DNAI4: variants seen among roughly 807,000 people sequenced by gnomAD.
DNAI4 encodes dynein axonemal intermediate chain 4.
A neutral mutation model predicts 105.8 loss-of-function variants in DNAI4; 85 were observed. The ratio of observed to expected loss-of-function variants is 0.80; its 90% CI spans 0.67 to 0.96. The LOEUF (loss-of-function observed/expected upper bound fraction) is 0.96. Ranked by LOEUF, DNAI4 falls within the 40% of genes least tolerant of loss-of-function variation. The pLI is 0.00. For synonymous variants in DNAI4, 352 were observed against 331.5 expected (o/e 1.06, Z -0.67); for missense variants, 1,014 against 1,005.6 (o/e 1.01, Z -0.11).
At position 66,890,842 on chromosome 1, in the gene DNAI4, G is replaced by T; in HGVS notation, c.643+312C>A. The T allele has an allele frequency of 2.7e-6, 1 of 369,904 alleles. No homozygotes were observed. The highest frequency in any genetic ancestry group is 4.9e-6 in the Non-Finnish European group (1 of 203,480). 22.9% of individuals were successfully genotyped at this position (369,904 alleles called of 1,614,324 possible). A position where few individuals can be genotyped will look rare whatever the true frequency, so the allele number is the denominator to read the frequency against. Reference sequence around the variant, plus strand: ...GAGGAAAAGAGGAAGAGGAAGAAAAGGAAGAGGAAGAAGAAGAGGAAGAGG... The same window carrying T: ...GAGGAAAAGAGGAAGAGGAAGAAAATGAAGAGGAAGAAGAAGAGGAAGAGG... On this transcript the variant is annotated intron_variant, in intron 4 of 16. Transcript: ENST00000371026. This position sits in a 1 kb window ranked among gnomAD's most constrained non-coding sequence, Gnocchi z 4.1.
intron 6 of DNAI4, among the ~76,000 whole-genome samples, chr1:66,865,605 C>T (rs1170373325): frequency 2.0e-5 from 3 of 152,104 alleles, no homozygotes; most frequent in Non-Finnish European, 4.4e-5. Flanking sequence ...AATGGACTTG[C>T]TAATTCTTCC....
In DNAI4 at chr1:66,891,183, T is replaced by C; in HGVS notation, c.614A>G (p.Tyr205Cys). 6.2e-7 allele frequency: 1 copy of C among 1,613,738 alleles called. No individual in the cohort carries two copies. The highest frequency in any genetic ancestry group is 8.5e-7 in the Non-Finnish European group (1 of 1,179,728). Residue 205 changes from tyrosine (Y) to cysteine (C), a missense_variant, in exon 4 of 17, where the codon TAT becomes TGT. Tyr to Cys is a radical substitution (Grantham distance 194). Transcript: ENST00000371026. The stretch of plus-strand genomic sequence containing the variant: ...GAAACTAGTCAATCTTTCCCGTTTA[T>C]AGGATGGTTCTTCCAGGTCTTCTGC... ...SIAEDLEEPS[Y>C]KRERLTSFTD...
Position 66,826,899 on chromosome 1 carries a change from C to T in DNAI4, c.2260G>A (p.Ala754Thr). 6.2e-7 allele frequency: 1 copy of T among 1,614,112 alleles called. No homozygotes were observed. Among genetic ancestry groups the T allele is most frequent in the African/African-American group, 1.3e-5 (1 of 75,030 alleles). Residue 754 changes from alanine to threonine, a missense_variant, in exon 15 of 17, where the codon GCC becomes ACC. Coordinates refer to ENST00000371026, the MANE Select transcript of DNAI4 (RefSeq NM_024763.5). ...YPATSVVYDVAWSPKSSYIFA... is the reference protein window; with the variant it reads ...YPATSVVYDVTWSPKSSYIFA... ...ATATAGGATGATTTTGGAGACCAGGCAACGTCGTAAACAACAGAAGTAGCT... is the reference window on the plus strand; with the variant it reads ...ATATAGGATGATTTTGGAGACCAGGTAACGTCGTAAACAACAGAAGTAGCT...
intron 1 of DNAI4, among the ~76,000 whole-genome samples, chr1:66,911,677 G>A (rs1649667290): frequency 6.6e-6 from 1 of 152,190 alleles, no homozygotes; most frequent in African/African-American, 2.4e-5. Context: ...TACAGTGGCT[G>A]TTTAATACAT....
At chr1:66,884,756 C>T (rs1647157313) in intron 4 of DNAI4, among the ~76,000 whole-genome samples, 1 of 152,076 alleles carries the variant, frequency 6.6e-6, no homozygotes, top group Non-Finnish European at 1.5e-5. Context: ...AAATGTTCCC[C>T]CTTCAGACCC....
intron 6 of DNAI4, among the ~76,000 whole-genome samples, chr1:66,867,570 A>G (rs72671677): frequency 0.13 from 20,311 of 151,606 alleles, 1,433 homozygotes; most frequent in Middle Eastern, 0.21. Context: ...TTTAAAGAAC[A>G]TTCTGTTCTT....
intron 8 of DNAI4, among the ~76,000 whole-genome samples, chr1:66,842,433 C>T (rs138392190): frequency 6.6e-6 from 1 of 152,194 alleles, no homozygotes; most frequent in Non-Finnish European, 1.5e-5. Flanking sequence ...CTCTGTTGTC[C>T]TGGTTGGAGT....
chr1:66,902,461 T>A (rs1400834168), intron 2 of DNAI4, among the ~76,000 whole-genome samples: 1 of 152,196 alleles, frequency 6.6e-6, no homozygotes, highest in Admixed American at 6.5e-5. Flanking sequence ...GTTATTAGCA[T>A]CTTATCAAAT....
intron 6 of DNAI4, among the ~76,000 whole-genome samples, chr1:66,869,835 G>T (rs1646804215): frequency 6.6e-6 from 1 of 152,154 alleles, no homozygotes; most frequent in Admixed American, 6.6e-5. Context: ...CTGCCAGCAG[G>T]CTACTAGAAG....
chr1:66,847,927 A>G (rs931532649), intron 7 of DNAI4: 7 of 442,550 alleles, frequency 1.6e-5, no homozygotes, highest in Admixed American at 8.3e-5. Context: ...TCCAGAGGTA[A>G]TTTTTGTCTT....
chr1:66,861,790 T>C (rs1187120113), intron 7 of DNAI4, among the ~76,000 whole-genome samples: 1 of 152,220 alleles, frequency 6.6e-6, no homozygotes, highest in Non-Finnish European at 1.5e-5. Context: ...TGTTAATGTA[T>C]AAATCCATTT....
Position 66,874,760 on chromosome 1 carries a change from A to G in DNAI4, c.800+21T>C, listed in dbSNP as rs748971559. 1.9e-6 allele frequency: 3 copies of G among 1,584,560 alleles called. No individual in the cohort carries two copies. In the South Asian group the frequency reaches 3.5e-5, roughly 19 times the overall value. On this transcript the variant is annotated intron_variant, in intron 5 of 16. Coordinates refer to ENST00000371026, the MANE Select transcript of DNAI4 (RefSeq NM_024763.5). ...AGCATTTGAATTACAGAAACAATGT[A>G]GACAACTGAACCATACATACGTTAC...
intron 15 of DNAI4, among the ~76,000 whole-genome samples, chr1:66,825,031 T>A (rs569085632): frequency 5.3e-4 from 81 of 152,296 alleles, no homozygotes; most frequent in African/African-American, 1.9e-3. Context: ...TTAAAATAAA[T>A]GTCTCTCTCA....
intron 1 of DNAI4, among the ~76,000 whole-genome samples, chr1:66,908,185 C>T (rs1303606998): frequency 6.6e-6 from 1 of 152,214 alleles, no homozygotes; most frequent in African/African-American, 2.4e-5. Context: ...AAATTTGATA[C>T]TGTAACATCT....
intron 4 of DNAI4, among the ~76,000 whole-genome samples, chr1:66,877,641 T>C (rs922265244): frequency 6.6e-6 from 1 of 152,208 alleles, no homozygotes; most frequent in Non-Finnish European, 1.5e-5. Flanking sequence ...CCATATTTTA[T>C]TCTAATTTCC....
intron 1 of DNAI4, among the ~76,000 whole-genome samples, chr1:66,910,068 T>C (rs1158988649): frequency 6.6e-6 from 1 of 152,028 alleles, no homozygotes; most frequent in Non-Finnish European, 1.5e-5. Flanking sequence ...CATGTAAGGG[T>C]TGGGCACAGT....
At chr1:66,885,518 T>C (rs997095099) in intron 4 of DNAI4, among the ~76,000 whole-genome samples, 1 of 152,190 alleles carries the variant, frequency 6.6e-6, no homozygotes, top group African/African-American at 2.4e-5. Flanking sequence ...ACTCTTTTCT[T>C]GTTTATTTGG....
rs1646306868 is a variant in DNAI4, at chr1:66,847,650, T to C, written c.1125A>G (p.Ile375Met). 6.2e-7 allele frequency: 1 copy of C among 1,612,216 alleles called. No individual in the cohort carries two copies. Among genetic ancestry groups the C allele is most frequent in the Non-Finnish European group, 8.5e-7 (1 of 1,179,370 alleles). ...KNSETSSLMDIENVILAKIHE... is the reference protein window; with the variant it reads ...KNSETSSLMDMENVILAKIHE... The stretch of plus-strand genomic sequence containing the variant: ...GGATTTTTGCCAGAATTACATTTTC[T>C]ATGTCCATTAGAGAACTAGTTTCAC... The change falls in exon 8 of 17, where the codon ATA becomes ATG. Residue 375 changes from isoleucine to methionine, a missense_variant. Transcript: ENST00000371026.
At chr1:66,887,683 A>G (rs1647263935) in intron 4 of DNAI4, among the ~76,000 whole-genome samples, 1 of 152,168 alleles carries the variant, frequency 6.6e-6, no homozygotes, top group Non-Finnish European at 1.5e-5. Flanking sequence ...ATTAAATTTT[A>G]CTACTACCGT....
Sources: allele counts gnomAD v4.1 joint callset (sites outside exome capture counted in the v4.1 genomes callset), GRCh38; gene constraint gnomAD v4.1.1; non-coding constraint Gnocchi (gnomAD v3.1); transcripts MANE v1.5; gene names NCBI Gene and HGNC (gene_info 2026-07-23, HGNC 2026-07-21).